The following PFKFB3 variants were observed in gnomAD, a reference collection of about 807,000 sequenced individuals.
PFKFB3 encodes the protein 6-phosphofructo-2-kinase/fructose-2,6-biphosphatase 3, also known as 6-phosphofructo-2-kinase/fructose-2,6-bisphosphatase 3.
Under a neutral mutation model 68.0 loss-of-function variants are expected in PFKFB3, and 33 were observed. That is an observed-to-expected ratio of 0.49 (90% CI 0.37 to 0.65). PFKFB3 has a LOEUF of 0.65. PFKFB3 is among the 30% of genes least tolerant of loss of function. The pLI, the probability that PFKFB3 is intolerant of heterozygous loss-of-function variation, is 0.00. For missense variants in PFKFB3, 586 were observed against 712.2 expected (o/e 0.82, Z 2.02); for synonymous variants, 315 against 288.2 (o/e 1.09, Z -0.94).
the PFKFB3 span, among the ~76,000 whole-genome samples, chr10:6,260,309 G>A: frequency 6.6e-6 from 1 of 151,646 alleles, no homozygotes; most frequent in Non-Finnish European, 1.5e-5. Context: ...GCTACACGGA[G>A]AGGCTGAGGC....
At chr10:6,203,457 G>T (rs1251200960) in intron 1 of PFKFB3, 121 bp downstream of exon 1, 5 of 457,778 alleles carry the variant, frequency 1.1e-5, no homozygotes, top group South Asian at 9.5e-5. Context: ...TCGCGCCGGC[G>T]GGGCGGGGCG....
At position 6,231,769 on chromosome 10, in the gene PFKFB3, A is replaced by G. The variant is rs562147950; in HGVS notation, c.1516-1126A>G. Among the ~76,000 whole-genome samples, 473 of 151,726 alleles carry G rather than the reference A, an allele frequency of 3.1e-3. 1 individual carries two copies. The highest frequency in any genetic ancestry group is 5.6e-3 in the Non-Finnish European group (383 of 67,894). On this transcript the variant is annotated intron_variant, in intron 14 of 14. Coordinates refer to ENST00000379775, the MANE Select transcript of PFKFB3 (RefSeq NM_004566.4). ...TTCCATCATCCTTCGGCGGGCACCC[A>G]TCAACCCCCGCAGGCAGCCGTCATC... is the stretch of plus-strand genomic sequence containing the variant.
intron 14 of PFKFB3, among the ~76,000 whole-genome samples, chr10:6,247,520 G>T (rs955254000): frequency 6.6e-6 from 1 of 152,196 alleles, no homozygotes; most frequent in Non-Finnish European, 1.5e-5. Context: ...CATCCAATCG[G>T]TTCAAGAGTT....
chr10:6,146,641 G>A, intron 1 of PFKFB3: 4 of 811,410 alleles, frequency 4.9e-6, no homozygotes, highest in Non-Finnish European at 7.6e-6. Flanking sequence ...CTCTGGTTGG[G>A]AAACTCCTAA....
At chr10:6,194,085 A>G (rs943040278) in intron 1 of PFKFB3, among the ~76,000 whole-genome samples, 2 of 152,210 alleles carry the variant, frequency 1.3e-5, no homozygotes, top group African/African-American at 2.4e-5. Flanking sequence ...CCATTTGGGA[A>G]GTGGAAGAGA....
chr10:6,203,218 G>T lies in PFKFB3; in HGVS notation c.-43G>T. On this transcript the variant is annotated 5_prime_UTR_variant, in exon 1 of 15. Coordinates refer to ENST00000379775, the MANE Select transcript of PFKFB3 (RefSeq NM_004566.4). Reference sequence around the variant, plus strand: ...GCGGCCGCTCTCCTGCCAGCGTCGGGATCTCGGCCCCGGGAGGCGGGCCGT... The same window carrying T: ...GCGGCCGCTCTCCTGCCAGCGTCGGTATCTCGGCCCCGGGAGGCGGGCCGT... 1.3e-6 allele frequency: 2 copies of T among 1,597,566 alleles called. No homozygotes were observed. The highest frequency in any genetic ancestry group is 8.5e-7 in the Non-Finnish European group (1 of 1,173,234).
intron 14 of PFKFB3, among the ~76,000 whole-genome samples, chr10:6,232,072 C>A (rs1845784370): frequency 6.6e-6 from 1 of 152,254 alleles, no homozygotes. Context: ...GGGCTCTCTC[C>A]CACCCTCTTT....
intron 14 of PFKFB3, among the ~76,000 whole-genome samples, chr10:6,253,662 T>C (rs979087737): frequency 1.1e-4 from 16 of 150,990 alleles, no homozygotes; most frequent in South Asian, 4.2e-4. Context: ...AAAAAAAAGA[T>C]GCGGTCATAT....
the PFKFB3 span, among the ~76,000 whole-genome samples, chr10:6,269,067 AT>A: frequency 6.6e-6 from 1 of 150,606 alleles, no homozygotes; most frequent in East Asian, 1.9e-4. Flanking sequence ...TTAAAAATTC[AT>A]TTTTTAATTA....
chr10:6,253,264 G>C (rs1435556337), intron 14 of PFKFB3, among the ~76,000 whole-genome samples: 7 of 152,148 alleles, frequency 4.6e-5, no homozygotes, highest in Admixed American at 1.3e-4. Context: ...GATTGCCCTT[G>C]TAATTAAAAA....
At chr10:6,290,895 A>G in the PFKFB3 span, among the ~76,000 whole-genome samples, 1 of 152,176 alleles carries the variant, frequency 6.6e-6, no homozygotes, top group South Asian at 2.1e-4. Context: ...GTGGTTTGGT[A>G]TCTGTCATTA....
In PFKFB3 at chr10:6,155,126, G is replaced by A. The variant is rs529035421; in HGVS notation, c.16+10113G>A. ...CTTACTGCCACTGGCAAAGAATTCC[G>A]AAAGGTTCTGAGGGGTTTACTCCGG... On this transcript the variant is annotated intron_variant, in intron 1 of 14. Coordinates refer to the PFKFB3 transcript ENST00000379789. Among the ~76,000 whole-genome samples, 22 of 152,222 alleles carry A rather than the reference G, an allele frequency of 1.4e-4. No individual in the cohort carries two copies. The Middle Eastern group carries it at 0.01, about 71-fold the overall frequency.
chr10:6,254,154 CA>C (rs1381231974), intron 14 of PFKFB3: 1 of 395,558 alleles, frequency 2.5e-6, no homozygotes, highest in Non-Finnish European at 4.4e-6. Flanking sequence ...CAATCTAATC[CA>C]CAATGTACTC....
the PFKFB3 span, among the ~76,000 whole-genome samples, chr10:6,289,966 A>G: frequency 2.0e-5 from 3 of 152,138 alleles, no homozygotes; most frequent in Non-Finnish European, 2.9e-5. Flanking sequence ...CTTTGAAGCA[A>G]TCGTGAATGG....
chr10:6,160,455 C>T (rs117005264), intron 1 of PFKFB3, among the ~76,000 whole-genome samples: 2,807 of 152,240 alleles, frequency 0.018, 36 homozygotes, highest in South Asian at 0.061. Flanking sequence ...CGGTGGCTCA[C>T]GCCTGTAATC....
At chr10:6,239,455 C>T (rs1360524409), downstream of PFKFB3, among the ~76,000 whole-genome samples, 2 of 152,126 alleles carry the variant, frequency 1.3e-5, no homozygotes, top group Non-Finnish European at 2.9e-5. Flanking sequence ...GGAGTTGAGT[C>T]GCATATTAAT....
intron 1 of PFKFB3, among the ~76,000 whole-genome samples, chr10:6,167,941 G>A (rs547223308): frequency 5.5e-4 from 79 of 143,026 alleles, no homozygotes; most frequent in Admixed American, 1.4e-3. Context: ...CCCTTGCTAA[G>A]TCCCTAGGTC....
chr10:6,190,684 T>C (rs529910542), intron 1 of PFKFB3, among the ~76,000 whole-genome samples: 116 of 152,312 alleles, frequency 7.6e-4, no homozygotes, highest in Middle Eastern at 3.4e-3. Flanking sequence ...ATTTGGCCAG[T>C]GGGGAACCCT....
chr10:6,268,732 G>A, the PFKFB3 span, among the ~76,000 whole-genome samples: 1 of 150,970 alleles, frequency 6.6e-6, no homozygotes, highest in Non-Finnish European at 1.5e-5. Context: ...ACATAAAGAG[G>A]TTAAAGAGGC....
Sources: gnomAD v4.1 joint callset for allele counts (sites outside exome capture counted in the v4.1 genomes callset) on GRCh38, gnomAD v4.1.1 for gene constraint, MANE v1.5 for transcripts, NCBI Gene and HGNC (gene_info 2026-07-23, HGNC 2026-07-21) for gene names.